Variants in SMARCD3 observed in about 807,000 individuals in gnomAD.
The protein encoded by SMARCD3 is SWI/SNF-related matrix-associated actin-dependent regulator of chromatin subfamily D member 3.
A neutral mutation model predicts 58.0 loss-of-function variants in SMARCD3; 14 were observed. That is an observed-to-expected ratio of 0.24 (90% CI 0.16 to 0.38). The LOEUF (loss-of-function observed/expected upper bound fraction) is 0.38. Among genes scored for constraint, SMARCD3 ranks in the 10% least tolerant of loss-of-function variants. The pLI, the probability that SMARCD3 is intolerant of heterozygous loss-of-function variation, is 1.00. For synonymous variants in SMARCD3, 253 were observed against 253.8 expected (o/e 1.00, Z 0.03); for missense variants, 408 against 636.9 (o/e 0.64, Z 3.87).
chr7:151,248,774 C>A (rs1428058962), upstream of SMARCD3: 3 of 822,872 alleles, frequency 3.6e-6, no homozygotes, highest in South Asian at 5.6e-5. This position sits in a 1 kb window ranked among gnomAD's most constrained non-coding sequence, Gnocchi z 6.1. Context: ...CCGCCGCCGC[C>A]GCGGCTGCCG....
At chr7:151,248,775 G>GCC, upstream of SMARCD3, 16 of 862,892 alleles carry the variant, frequency 1.9e-5, no homozygotes, top group Non-Finnish European at 2.3e-5. The surrounding 1 kb of genome is among the most constrained non-coding windows in gnomAD (Gnocchi z 6.1). Flanking sequence ...CGCCGCCGCC[G>GCC]CGGCTGCCGC....
rs1018340173 is a variant in SMARCD3 at position 151,242,064 on chromosome 7, C to A, written c.675+73G>T. On this transcript the variant is annotated intron_variant, in intron 6 of 12. Coordinates refer to ENST00000262188, the MANE Select transcript of SMARCD3 (RefSeq NM_001003801.2). The surrounding 1 kb of genome is among the most constrained non-coding windows in gnomAD (Gnocchi z 4.7). ...CTCTAGGGTGGTCCCTGACCCAAAT[C>A]TGTGCTGGTTCTTCAGGGATTCTGG... The A allele has an allele frequency of 1.0e-5, 16 of 1,541,040 alleles. No homozygotes were observed. The highest frequency in any genetic ancestry group is 1.4e-5 in the Non-Finnish European group (16 of 1,114,032).
intron 1 of SMARCD3, among the ~76,000 whole-genome samples, chr7:151,247,748 C>T (rs1270855255): frequency 6.6e-6 from 1 of 152,036 alleles, no homozygotes; most frequent in Non-Finnish European, 1.5e-5. Context: ...CTCCCGGGCT[C>T]CCACGTGCCT....
chr7:151,241,742 G>T lies in SMARCD3; in HGVS notation c.778-89C>A. 7.1e-7 allele frequency: 1 copy of T among 1,409,812 alleles called. No homozygotes were observed. The highest frequency in any genetic ancestry group is 9.9e-7 in the Non-Finnish European group (1 of 1,013,058). The allele number at this position is 1,409,812 out of a possible 1,614,324, so 87.3% of individuals were successfully genotyped here. ...CCATTCAGGACTAGGGGGATGTGTTGATTGAGGAAACATGCCCCTGGGGAA... is the reference window on the plus strand; with the variant it reads ...CCATTCAGGACTAGGGGGATGTGTTTATTGAGGAAACATGCCCCTGGGGAA... On this transcript the variant is annotated intron_variant, in intron 7 of 12. Transcript: ENST00000262188. The surrounding 1 kb of genome is among the most constrained non-coding windows in gnomAD (Gnocchi z 5.3).
At position 151,238,907 on chromosome 7, in the gene SMARCD3, C is replaced by T. The variant is rs1283956117; in HGVS notation, c.*196G>A. The stretch of plus-strand genomic sequence containing the variant: ...AGTCGTCCCGAGGGACCCACTGCCT[C>T]CCCACCTTCTTCCCTTCCCCTTCTC... On this transcript the variant is annotated 3_prime_UTR_variant, in exon 13 of 13. Coordinates refer to ENST00000262188, the MANE Select transcript of SMARCD3 (RefSeq NM_001003801.2). 1 of 1,125,050 alleles carries T rather than the reference C, an allele frequency of 8.9e-7. No individual in the cohort carries two copies. The highest frequency in any genetic ancestry group is 1.3e-6 in the Non-Finnish European group (1 of 781,694). The allele number at this position is 1,125,050 out of a possible 1,614,324, so 69.7% of individuals were successfully genotyped here. A position where few individuals can be genotyped will look rare whatever the true frequency, so the allele number is the denominator to read the frequency against.
intron 2 of SMARCD3, among the ~76,000 whole-genome samples, chr7:151,265,033 G>A (rs185994914): frequency 5.4e-4 from 83 of 152,310 alleles, no homozygotes; most frequent in African/African-American, 1.9e-3. Flanking sequence ...CTGAGGCTCT[G>A]ACCATCTCGC....
rs751275932 is a variant in SMARCD3, at chr7:151,242,847, GAGA to G, written c.334-7_334-5del. On this transcript the variant is annotated splice_polypyrimidine_tract_variant and splice_region_variant and intron_variant, in intron 3 of 12. Coordinates refer to ENST00000262188, the MANE Select transcript of SMARCD3 (RefSeq NM_001003801.2). The surrounding 1 kb of genome is among the most constrained non-coding windows in gnomAD (Gnocchi z 4.7). The stretch of plus-strand genomic sequence containing the variant: ...ACTCGGGGACCAGCTCCCGAATCTG[GAGA>G]AGGAGGAGCAGGGCAGGAGTCAGAG... 3 of 1,614,112 alleles carry G rather than the reference GAGA, an allele frequency of 1.9e-6. No individual in the cohort carries two copies. The highest frequency in any genetic ancestry group is 2.2e-5 in the East Asian group (1 of 44,872).
chr7:151,253,542 C>T (rs1464285571), upstream of SMARCD3, among the ~76,000 whole-genome samples: 1 of 152,218 alleles, frequency 6.6e-6, no homozygotes, highest in Non-Finnish European at 1.5e-5. Flanking sequence ...CTTGACACCC[C>T]TCCCACCACA....
In SMARCD3 at chr7:151,248,332, C is replaced by A. The variant is rs1419702606; in HGVS notation, c.78+153G>T. 6.6e-6 allele frequency among the ~76,000 whole-genome samples: 1 copy of A among 151,440 alleles called. No homozygotes were observed. The highest frequency in any genetic ancestry group is 1.5e-5 in the Non-Finnish European group (1 of 67,866). ...CTGGCGACGTGTTCGGGTGCCAGGG[C>A]GCCAGCACAGTCCCGCGGCCGGGCC... On this transcript the variant is annotated intron_variant, in intron 1 of 12. Transcript: ENST00000262188. This position sits in a 1 kb window ranked among gnomAD's most constrained non-coding sequence, Gnocchi z 6.1.
intron 2 of SMARCD3, among the ~76,000 whole-genome samples, chr7:151,269,693 G>C (rs1364035497): frequency 6.6e-6 from 1 of 152,204 alleles, no homozygotes; most frequent in African/African-American, 2.4e-5. Context: ...GGTGGCATTA[G>C]ATGGTGCTCT....
intron 1 of SMARCD3, among the ~76,000 whole-genome samples, chr7:151,276,429 G>A (rs1795344519): frequency 6.7e-6 from 1 of 148,474 alleles, no homozygotes; most frequent in Non-Finnish European, 1.5e-5. Context: ...TGCCAGACAG[G>A]GGGAGGAGGG....
upstream of SMARCD3, among the ~76,000 whole-genome samples, chr7:151,251,536 G>A (rs1803510091): frequency 6.6e-6 from 1 of 152,246 alleles, no homozygotes; most frequent in African/African-American, 2.4e-5. Context: ...CCGGGCCAGG[G>A]CTCCCTCCTC....
chr7:151,242,517 G>T lies in SMARCD3; in HGVS notation c.543C>A (p.Ser181=). 1 of 1,614,088 alleles carries T rather than the reference G, an allele frequency of 6.2e-7. No individual in the cohort carries two copies. Among genetic ancestry groups the T allele is most frequent in the Non-Finnish European group, 8.5e-7 (1 of 1,180,030 alleles). Residue 181 remains serine (S), a synonymous_variant, in exon 5 of 13, where the codon TCC becomes TCA. Coordinates refer to ENST00000262188, the MANE Select transcript of SMARCD3 (RefSeq NM_001003801.2). This position sits in a 1 kb window ranked among gnomAD's most constrained non-coding sequence, Gnocchi z 4.7. ...DAEDSDGSIA[S]WELRVEGKLL... is the part of the protein sequence containing the mutation. The stretch of plus-strand genomic sequence containing the variant: ...GCTTCCCCTCCACCCGTAGCTCCCA[G>T]GAGGCAATGCTGCCGTCGGAATCCT...
upstream of SMARCD3, among the ~76,000 whole-genome samples, chr7:151,253,208 GTGAGTGGGGGCTGCTCACCA>G (rs1563673196): frequency 6.6e-6 from 1 of 152,202 alleles, no homozygotes; most frequent in African/African-American, 2.4e-5. Context: ...CCCGCACCGA[GTGAGTGGGGGCTGCTCACCA>G]TGAGTGAGGC....
intron 2 of SMARCD3, among the ~76,000 whole-genome samples, chr7:151,244,257 C>T (rs1328890859): frequency 6.6e-6 from 1 of 151,660 alleles, no homozygotes; most frequent in African/African-American, 2.4e-5. Flanking sequence ...TACTCATGCC[C>T]TGGGACTACC....
Position 151,238,823 on chromosome 7 carries a change from C to T in SMARCD3, c.*280G>A. 2 of 1,529,136 alleles carry T rather than the reference C, an allele frequency of 1.3e-6. No homozygotes were observed. The highest frequency in any genetic ancestry group is 1.8e-6 in the Non-Finnish European group (2 of 1,139,172). 94.7% of individuals were successfully genotyped at this position (1,529,136 alleles called of 1,614,324 possible). ...GTTATTAAACATGTCTTCTGCCAAACTGTTTTTAGGTCTAGGGAAAATTGA... is the reference window on the plus strand; with the variant it reads ...GTTATTAAACATGTCTTCTGCCAAATTGTTTTTAGGTCTAGGGAAAATTGA... On this transcript the variant is annotated 3_prime_UTR_variant, in exon 13 of 13. Transcript: ENST00000262188.
chr7:151,265,242 G>C (rs1340267438), intron 2 of SMARCD3, among the ~76,000 whole-genome samples: 2 of 152,178 alleles, frequency 1.3e-5, no homozygotes, highest in Non-Finnish European at 2.9e-5. Context: ...CATCCAATAG[G>C]ACTGGTGTCC....
upstream of SMARCD3, among the ~76,000 whole-genome samples, chr7:151,252,418 T>TGA (rs953114041): frequency 1.6e-5 from 2 of 121,274 alleles, no homozygotes; most frequent in South Asian, 2.6e-4. Flanking sequence ...GCGGCCTGAG[T>TGA]GAGTGTGTGT....
At chr7:151,253,352 C>G (rs1305563309), upstream of SMARCD3, among the ~76,000 whole-genome samples, 3 of 152,166 alleles carry the variant, frequency 2.0e-5, no homozygotes, top group African/African-American at 7.2e-5. Context: ...CTGCCCCTGT[C>G]ACGCACACCT....
Sources: gnomAD v4.1 joint callset for allele counts (sites outside exome capture counted in the v4.1 genomes callset) on GRCh38, gnomAD v4.1.1 for gene constraint, Gnocchi (gnomAD v3.1) non-coding constraint, MANE v1.5 for transcripts, NCBI Gene and HGNC (gene_info 2026-07-23, HGNC 2026-07-21) for gene names.